Variants in CADPS2 observed in about 807,000 individuals in gnomAD.
The protein encoded by CADPS2 is calcium dependent secretion activator 2.
CADPS2 carries 93 observed loss-of-function variants against 172.5 expected under a neutral mutation model. That is an observed-to-expected ratio of 0.54 (90% CI 0.46 to 0.64). The LOEUF (loss-of-function observed/expected upper bound fraction) is 0.64. CADPS2 is among the 30% of genes least tolerant of loss of function. CADPS2 has a pLI of 0.00. For missense variants in CADPS2, 1,420 were observed against 1,565.9 expected (o/e 0.91, Z 1.57); for synonymous variants, 546 against 555.2 (o/e 0.98, Z 0.23).
In CADPS2 at chr7:122,345,652, A is replaced by G. The variant is rs2037477936; in HGVS notation, c.3534T>C (p.Tyr1178=). 1.5e-5 allele frequency: 25 copies of G among 1,613,170 alleles called. No homozygotes were observed. In the East Asian group the frequency reaches 5.4e-4, roughly 35 times the overall value. The part of the protein sequence containing the change: ...PKPGMDLADT[Y]IMFVRQNQDI... ...CTTGGTTTTGCCGAACAAACATAAT[A>G]TAGGTGTCTGCCAGATCCATTCCTG... is the stretch of plus-strand genomic sequence containing the variant. The change falls in exon 28 of 30, where the codon TAT becomes TAC. Residue 1178 remains tyrosine (Y), a synonymous_variant. Transcript: ENST00000449022.
At chr7:122,598,517 G>C (rs4363139) in intron 6 of CADPS2, among the ~76,000 whole-genome samples, 2 of 151,934 alleles carry the variant, frequency 1.3e-5, no homozygotes, top group Non-Finnish European at 2.9e-5. Flanking sequence ...AAAGTGATTC[G>C]TACAATGTCA....
chr7:122,878,029 C>G (rs1585110685), intron 1 of CADPS2, among the ~76,000 whole-genome samples: 3 of 151,630 alleles, frequency 2.0e-5, no homozygotes, highest in South Asian at 2.1e-4. Context: ...GAGGCCGAGG[C>G]GGTGGATCAT....
chr7:122,874,142 G>A (rs1237990485), intron 1 of CADPS2, among the ~76,000 whole-genome samples: 2 of 152,002 alleles, frequency 1.3e-5, no homozygotes, highest in Admixed American at 1.3e-4. Context: ...TTCTTTTGCT[G>A]TGCAGAAACT....
rs531434109 is a variant in CADPS2 at position 122,450,965 on chromosome 7, A to T, written c.2288+409T>A. Among the ~76,000 whole-genome samples the T allele has an allele frequency of 2.0e-5, 3 of 152,348 alleles. No homozygotes were observed. The East Asian group carries it at 5.8e-4, about 29-fold the overall frequency. On this transcript the variant is annotated intron_variant, in intron 15 of 29. Coordinates refer to ENST00000449022, the MANE Select transcript of CADPS2 (RefSeq NM_017954.11). Reference sequence around the variant, plus strand: ...AAGTGACAAGACAATACTACAGACAATAAATGCTCAAAGACTTCAGAATAC... The same window carrying T: ...AAGTGACAAGACAATACTACAGACATTAAATGCTCAAAGACTTCAGAATAC...
intron 24 of CADPS2, among the ~76,000 whole-genome samples, chr7:122,384,573 T>C (rs2043400278): frequency 6.6e-6 from 1 of 152,088 alleles, no homozygotes; most frequent in South Asian, 2.1e-4. Flanking sequence ...GTGGGTATGT[T>C]TACTGGAGAG....
At chr7:122,685,312 CA>C (rs2083495567) in intron 2 of CADPS2, among the ~76,000 whole-genome samples, 1 of 152,206 alleles carries the variant, frequency 6.6e-6, no homozygotes, top group South Asian at 2.1e-4. Flanking sequence ...TTCCAAGTGG[CA>C]ATGCTCTCCC....
chr7:122,538,138 A>AG (rs2062502072), intron 8 of CADPS2, among the ~76,000 whole-genome samples: 1 of 101,118 alleles, frequency 9.9e-6, no homozygotes, highest in Non-Finnish European at 2.1e-5. Flanking sequence ...CCACTTATAC[A>AG]AATTCAGTAA....
chr7:122,490,687 A>G (rs1237970814), intron 10 of CADPS2, among the ~76,000 whole-genome samples: 2 of 147,778 alleles, frequency 1.4e-5, no homozygotes, highest in Non-Finnish European at 3.0e-5. Context: ...TATTGCATGT[A>G]TTTTATCTTT....
chr7:122,415,601 C>CAAA lies in CADPS2; in HGVS notation c.2580+457_2580+459dup, dbSNP rs549530021. Among the ~76,000 whole-genome samples, 7 of 64,962 alleles carry CAAA rather than the reference C, an allele frequency of 1.1e-4. No individual in the cohort carries two copies. In the South Asian group the frequency reaches 1.7e-3, roughly 16 times the overall value. 42.6% of individuals were successfully genotyped at this position (64,962 alleles called of 152,430 possible). On this transcript the variant is annotated intron_variant, in intron 18 of 29. Transcript: ENST00000449022. The stretch of plus-strand genomic sequence containing the variant: ...ACCAACGAGACAGCAAATACAGAAC[C>CAAA]AAAAAAAAAAAAAAAAAAAGAAAAG...
chr7:122,442,963 A>G (rs1322786166), intron 15 of CADPS2, among the ~76,000 whole-genome samples: 2 of 152,230 alleles, frequency 1.3e-5, no homozygotes, highest in Non-Finnish European at 2.9e-5. Context: ...GCAAATTAGC[A>G]AAGTACCTTT....
intron 17 of CADPS2, among the ~76,000 whole-genome samples, chr7:122,425,201 G>A (rs1427482143): frequency 6.6e-6 from 1 of 151,748 alleles, no homozygotes; most frequent in African/African-American, 2.4e-5. Flanking sequence ...GGCTCATCTC[G>A]AATTCCTGAG....
In CADPS2 at chr7:122,410,443, C is replaced by CTT. The variant is rs5887087; in HGVS notation, c.2590-2749_2590-2748dup. On this transcript the variant is annotated intron_variant, in intron 19 of 29. Transcript: ENST00000449022. Reference sequence around the variant, plus strand: ...GGCAAGCTGACAATACTTGGAAAGCCTTTTTTTTTTTTTTTTGTAGTAAAT... The same window carrying CTT: ...GGCAAGCTGACAATACTTGGAAAGCCTTTTTTTTTTTTTTTTTTGTAGTAAAT... 8.6e-3 allele frequency among the ~76,000 whole-genome samples: 1,186 copies of CTT among 138,310 alleles called. 12 individuals are homozygous for CTT. The highest frequency in any genetic ancestry group is 0.024 in the African/African-American group (890 of 37,550). The allele number at this position is 138,310 out of a possible 152,430, so 90.7% of individuals were successfully genotyped here. A position where few individuals can be genotyped will look rare whatever the true frequency, so the allele number is the denominator to read the frequency against.
chr7:122,424,214 C>T (rs2048872326), intron 17 of CADPS2: 1 of 469,330 alleles, frequency 2.1e-6, no homozygotes. Context: ...CATTTAATGA[C>T]CCTGCCATTT....
At chr7:122,385,095 G>C (rs2043461788) in intron 24 of CADPS2, among the ~76,000 whole-genome samples, 1 of 151,944 alleles carries the variant, frequency 6.6e-6, no homozygotes, top group African/African-American at 2.4e-5. Context: ...ACAATCAAAG[G>C]CTTACATCTG....
intron 2 of CADPS2, chr7:122,698,624 C>G (rs2085524747): frequency 1.9e-6 from 3 of 1,614,078 alleles, no homozygotes; most frequent in Non-Finnish European, 2.5e-6. Context: ...AGCCAGGTCT[C>G]TGAGTACTTT....
intron 8 of CADPS2, among the ~76,000 whole-genome samples, chr7:122,541,729 ATATT>A (rs2063017512): frequency 6.9e-6 from 1 of 144,470 alleles, no homozygotes; most frequent in South Asian, 2.1e-4. Context: ...ATATTCATAT[ATATT>A]TATTCATATA....
At position 122,318,853 on chromosome 7, in the gene CADPS2, T is replaced by C. The variant is rs559297358; in HGVS notation, c.*1312A>G. 6.6e-6 allele frequency: 1 copy of C among 152,292 alleles called. No homozygotes were observed. Among genetic ancestry groups the C allele is most frequent in the East Asian group, 1.9e-4 (1 of 5,186 alleles). The allele number at this position is 152,292 out of a possible 1,614,324, so 9.4% of individuals were successfully genotyped here. Reference sequence around the variant, plus strand: ...GTCCAAGTTGTTTCATTTCTAAAGTTTCAGAATAAACGTTTTCATAAATGC... The same window carrying C: ...GTCCAAGTTGTTTCATTTCTAAAGTCTCAGAATAAACGTTTTCATAAATGC... On this transcript the variant is annotated 3_prime_UTR_variant, in exon 30 of 30. Coordinates refer to ENST00000449022, the MANE Select transcript of CADPS2 (RefSeq NM_017954.11).
At chr7:122,381,180 T>G (rs2151375027) in intron 24 of CADPS2, among the ~76,000 whole-genome samples, 1 of 152,226 alleles carries the variant, frequency 6.6e-6, no homozygotes, top group East Asian at 1.9e-4. Flanking sequence ...CAGCTGACTG[T>G]GCGATGGAGA....
intron 1 of CADPS2, among the ~76,000 whole-genome samples, chr7:122,766,478 C>G (rs975488572): frequency 6.6e-6 from 1 of 152,060 alleles, no homozygotes; most frequent in Admixed American, 6.6e-5. Context: ...CCATTTAGTT[C>G]ACTCCCCACA....
Sources: allele counts gnomAD v4.1 joint callset (sites outside exome capture counted in the v4.1 genomes callset), GRCh38; gene constraint gnomAD v4.1.1; transcripts MANE v1.5; gene names NCBI Gene and HGNC (gene_info 2026-07-23, HGNC 2026-07-21).